GCH1: variants seen among roughly 807,000 people sequenced by gnomAD.
GCH1 encodes the protein GTP cyclohydrolase 1.
A neutral mutation model predicts 25.9 loss-of-function variants in GCH1; 5 were observed. That is an observed-to-expected ratio of 0.19 (90% CI 0.10 to 0.41). The LOEUF is 0.41. Among genes scored for constraint, GCH1 ranks in the 10% least tolerant of loss-of-function variants. The pLI is 1.00. For missense variants in GCH1, 261 were observed against 336.5 expected (o/e 0.78, Z 1.75); for synonymous variants, 159 against 129.6 (o/e 1.23, Z -1.54).
chr14:54,855,114 T>G (rs1409823302), intron 3 of GCH1, among the ~76,000 whole-genome samples: 1 of 152,220 alleles, frequency 6.6e-6, no homozygotes, highest in East Asian at 1.9e-4. Context: ...TTAAATGAAT[T>G]GTATTAATCA....
chr14:54,858,093 C>A (rs911276674), intron 3 of GCH1, among the ~76,000 whole-genome samples: 2 of 151,638 alleles, frequency 1.3e-5, no homozygotes, highest in African/African-American at 4.8e-5. Context: ...AACAAAGTAA[C>A]AGGAACAACT....
At chr14:54,863,642 C>A (rs569477196) in intron 2 of GCH1, among the ~76,000 whole-genome samples, 6 of 151,218 alleles carry the variant, frequency 4.0e-5, no homozygotes, top group Non-Finnish European at 8.8e-5. Flanking sequence ...TCAATGAATC[C>A]GACTATGTAG....
Position 54,902,644 on chromosome 14 carries a change from C to A in GCH1, c.20G>T (p.Arg7Leu), listed in dbSNP as rs1170513883. 2.0e-6 allele frequency: 3 copies of A among 1,480,924 alleles called. No individual in the cohort carries two copies. The highest frequency in any genetic ancestry group is 2.6e-5 in the South Asian group (2 of 77,484). The allele number at this position is 1,480,924 out of a possible 1,614,324, so 91.7% of individuals were successfully genotyped here. MEKGPV[R>L]APAEKPRGAR... ...GCCCCGCGGCTTCTCCGCCGGTGCC[C>A]GCACAGGGCCCTTCTCCATGGACCC... Residue 7 changes from arginine (R) to leucine (L), a missense_variant, in exon 1 of 6, where the codon CGG becomes CTG. By Grantham distance (102) the Arg-to-Leu change is moderately radical. Coordinates refer to ENST00000491895, the MANE Select transcript of GCH1 (RefSeq NM_000161.3).
At chr14:54,860,972 T>C (rs924031938) in intron 2 of GCH1, among the ~76,000 whole-genome samples, 1 of 152,222 alleles carries the variant, frequency 6.6e-6, no homozygotes. Flanking sequence ...CACCAATTAA[T>C]ATCAAATATA....
intron 1 of GCH1, among the ~76,000 whole-genome samples, chr14:54,890,319 G>A (rs748592487): frequency 6.6e-6 from 1 of 152,228 alleles, no homozygotes; most frequent in Non-Finnish European, 1.5e-5. Flanking sequence ...CCCACACGGA[G>A]AAACCCCATC....
chr14:54,870,074 T>C (rs1313698449), intron 1 of GCH1, among the ~76,000 whole-genome samples: 2 of 152,166 alleles, frequency 1.3e-5, no homozygotes, highest in Admixed American at 1.3e-4. Flanking sequence ...TTTTGGGTGA[T>C]GGAAATAGTT....
intron 1 of GCH1, among the ~76,000 whole-genome samples, chr14:54,884,548 T>C (rs58293795): frequency 0.21 from 32,052 of 152,020 alleles, 3,464 homozygotes; most frequent in Admixed American, 0.24. Flanking sequence ...GGCAGGCGTA[T>C]CATTTGAGGT....
intron 3 of GCH1, chr14:54,859,288 T>C (rs2039860016): frequency 4.1e-6 from 1 of 245,756 alleles, no homozygotes; most frequent in South Asian, 5.6e-5. Context: ...TGACAACAAG[T>C]TCGACAGCAG....
chr14:54,880,774 CATATATATATATACTCCAT>C lies in GCH1; in HGVS notation c.344-15357_344-15339del, dbSNP rs1437540437. 1.5e-3 allele frequency among the ~76,000 whole-genome samples: 78 copies of C among 52,248 alleles called. 4 individuals are homozygous for C. The highest frequency in any genetic ancestry group is 2.8e-3 in the African/African-American group (26 of 9,412). The allele number at this position is 52,248 out of a possible 152,430, so 34.3% of individuals were successfully genotyped here. ...ATACTCCATATATATATATATACTC[CATATATATATATACTCCAT>C]ATATATATATATACTCCATATATAT... On this transcript the variant is annotated intron_variant, in intron 1 of 5. Coordinates refer to ENST00000491895, the MANE Select transcript of GCH1 (RefSeq NM_000161.3).
At chr14:54,847,604 C>G (rs994959691) in intron 3 of GCH1, among the ~76,000 whole-genome samples, 1 of 152,116 alleles carries the variant, frequency 6.6e-6, no homozygotes, top group African/African-American at 2.4e-5. Context: ...GCTCCTCAAG[C>G]TTGCAGACAG....
chr14:54,883,571 C>T (rs1360334920), intron 1 of GCH1, among the ~76,000 whole-genome samples: 4 of 151,748 alleles, frequency 2.6e-5, no homozygotes, highest in African/African-American at 4.8e-5. Context: ...CCCAGCTACT[C>T]GGGAGGCTGA....
intron 1 of GCH1, among the ~76,000 whole-genome samples, chr14:54,866,449 A>G (rs1594990307): frequency 6.6e-6 from 1 of 152,144 alleles, no homozygotes; most frequent in East Asian, 1.9e-4. Context: ...ATTTTCGGAA[A>G]ATAAATATAG....
chr14:54,865,769 C>T (rs1288797477), intron 1 of GCH1, among the ~76,000 whole-genome samples: 2 of 152,254 alleles, frequency 1.3e-5, no homozygotes, highest in East Asian at 1.9e-4. Flanking sequence ...GGGCCACTTT[C>T]ACTTTCTTCC....
intron 1 of GCH1, among the ~76,000 whole-genome samples, chr14:54,882,871 A>C (rs1485451759): frequency 6.6e-6 from 1 of 152,224 alleles, no homozygotes; most frequent in Non-Finnish European, 1.5e-5. Flanking sequence ...GAGATAAGGG[A>C]TCTTCCTTCG....
At chr14:54,870,443 T>G (rs986416559) in intron 1 of GCH1, among the ~76,000 whole-genome samples, 1 of 151,718 alleles carries the variant, frequency 6.6e-6, no homozygotes, top group African/African-American at 2.4e-5. Context: ...AGACGGGTGA[T>G]TTCTGCATTT....
chr14:54,860,938 G>A (rs1216222436), intron 2 of GCH1, among the ~76,000 whole-genome samples: 1 of 152,118 alleles, frequency 6.6e-6, no homozygotes, highest in Non-Finnish European at 1.5e-5. Context: ...TATACAGCCA[G>A]GCCATTTCTG....
At position 54,843,516 on chromosome 14, in the gene GCH1, G is replaced by T; in HGVS notation, c.*501C>A. The stretch of plus-strand genomic sequence containing the variant: ...TAAAAATATATTTTTAAATGTCACT[G>T]GTGGTTTAATAAACATGACCAAAGT... On this transcript the variant is annotated 3_prime_UTR_variant, in exon 6 of 6. Coordinates refer to ENST00000491895, the MANE Select transcript of GCH1 (RefSeq NM_000161.3). 2 of 1,311,690 alleles carry T rather than the reference G, an allele frequency of 1.5e-6. No individual in the cohort carries two copies. Among genetic ancestry groups the T allele is most frequent in the South Asian group, 2.0e-5 (1 of 50,192 alleles). 81.3% of individuals were successfully genotyped at this position (1,311,690 alleles called of 1,614,324 possible). A position where few individuals can be genotyped will look rare whatever the true frequency, so the allele number is the denominator to read the frequency against.
At chr14:54,853,040 T>G (rs946058963) in intron 3 of GCH1, among the ~76,000 whole-genome samples, 1 of 152,226 alleles carries the variant, frequency 6.6e-6, no homozygotes, top group African/African-American at 2.4e-5. Flanking sequence ...CTCAGCTCAC[T>G]GCAACCTCTA....
intron 3 of GCH1, chr14:54,859,421 G>T (rs925007104): frequency 4.9e-5 from 24 of 487,434 alleles, no homozygotes; most frequent in Admixed American, 1.3e-4. Flanking sequence ...AGAAGGCTCT[G>T]CAGAGAAAGA....
Sources: allele counts gnomAD v4.1 joint callset (sites outside exome capture counted in the v4.1 genomes callset), GRCh38; gene constraint gnomAD v4.1.1; transcripts MANE v1.5; gene names NCBI Gene and HGNC (gene_info 2026-07-23, HGNC 2026-07-21).